Variants in ADAM22 observed in about 807,000 individuals in gnomAD.
ADAM22 encodes the protein ADAM metallopeptidase domain 22.
Under a neutral mutation model 144.6 loss-of-function variants are expected in ADAM22, and 65 were observed. The ratio of observed to expected loss-of-function variants is 0.45; its 90% CI spans 0.37 to 0.55. ADAM22 has a LOEUF of 0.55. ADAM22 is among the 20% of genes least tolerant of loss of function. ADAM22 has a pLI of 0.00. For synonymous variants in ADAM22, 391 were observed against 412.6 expected (o/e 0.95, Z 0.63); for missense variants, 974 against 1,184.9 (o/e 0.82, Z 2.61).
chr7:88,113,707 T>TAAATAAATAA (rs1563245756), intron 5 of ADAM22, among the ~76,000 whole-genome samples: 6 of 47,226 alleles, frequency 1.3e-4, no homozygotes, highest in East Asian at 1.8e-3. Flanking sequence ...TAAATAAATA[T>TAAATAAATAA]ATATATATAT....
At chr7:88,032,024 A>C (rs774842187) in intron 3 of ADAM22, among the ~76,000 whole-genome samples, 28 of 152,256 alleles carry the variant, frequency 1.8e-4, no homozygotes, top group Admixed American at 3.9e-4. Context: ...ATGTCCAGGC[A>C]GAAGTCTACT....
At chr7:88,161,899 C>T (rs569262378) in intron 22 of ADAM22, among the ~76,000 whole-genome samples, 7 of 151,992 alleles carry the variant, frequency 4.6e-5, no homozygotes, top group South Asian at 4.2e-4. Context: ...GGCAGTGTGG[C>T]GATTCTTCAA....
chr7:88,062,198 C>T (rs1270255976), intron 3 of ADAM22, among the ~76,000 whole-genome samples: 1 of 125,370 alleles, frequency 8.0e-6, no homozygotes, highest in African/African-American at 2.5e-5. Context: ...CTAGGAAAGT[C>T]CTAGATGACA....
chr7:87,977,724 T>C (rs1852232787), intron 2 of ADAM22, among the ~76,000 whole-genome samples: 1 of 152,146 alleles, frequency 6.6e-6, no homozygotes, highest in African/African-American at 2.4e-5. Context: ...TAGGATAGCA[T>C]AGGAAATAGT....
At chr7:88,187,372 C>T (rs1314143722) in intron 30 of ADAM22, among the ~76,000 whole-genome samples, 1 of 152,130 alleles carries the variant, frequency 6.6e-6, no homozygotes, top group Non-Finnish European at 1.5e-5. Flanking sequence ...ATGTTGTTAT[C>T]TAATACTTCA....
At chr7:88,018,802 T>G (rs1422333464) in intron 3 of ADAM22, among the ~76,000 whole-genome samples, 1 of 152,190 alleles carries the variant, frequency 6.6e-6, no homozygotes, top group Non-Finnish European at 1.5e-5. Flanking sequence ...AATGGCTCCT[T>G]AGGAATAAAT....
At chr7:87,944,266 G>A (rs1316241619) in intron 2 of ADAM22, among the ~76,000 whole-genome samples, 2 of 151,706 alleles carry the variant, frequency 1.3e-5, no homozygotes, top group Admixed American at 6.6e-5. Context: ...AGGATGTTGG[G>A]GGTCAGGCTG....
At chr7:88,092,053 G>A (rs372021703) in intron 4 of ADAM22, among the ~76,000 whole-genome samples, 15 of 151,980 alleles carry the variant, frequency 9.9e-5, no homozygotes, top group African/African-American at 3.1e-4. Context: ...GCACAGGGGA[G>A]CACCATCGCT....
intron 29 of ADAM22, chr7:88,184,451 A>C (rs3789239): frequency 0.14 from 46,517 of 321,726 alleles, 4,848 homozygotes; most frequent in East Asian, 0.47. Flanking sequence ...TAATCTCCTT[A>C]CAAGTCCTTT....
intron 3 of ADAM22, among the ~76,000 whole-genome samples, chr7:88,051,484 A>C (rs1806350833): frequency 6.8e-6 from 1 of 147,914 alleles, no homozygotes. Flanking sequence ...TCTCACTCAT[A>C]GGTGGGAATT....
At chr7:88,007,523 A>G (rs895095201) in intron 3 of ADAM22, among the ~76,000 whole-genome samples, 3 of 152,214 alleles carry the variant, frequency 2.0e-5, no homozygotes, top group Admixed American at 6.5e-5. Flanking sequence ...AGTAACCAAA[A>G]CAGCATGGTA....
chr7:88,198,859 G>A lies in ADAM22; in HGVS notation c.*2368G>A, dbSNP rs1256273492. On this transcript the variant is annotated 3_prime_UTR_variant, in exon 32 of 32. Coordinates refer to ENST00000413139, the MANE Select transcript of ADAM22 (RefSeq NM_001324418.2). ...AGAGGTATATAGTTTGTAATTACCC[G>A]CCTTGGTAATAACCTTCCTGTGGAA... 4 of 152,116 alleles carry A rather than the reference G, an allele frequency of 2.6e-5. No homozygotes were observed. Among genetic ancestry groups the A allele is most frequent in the African/African-American group, 7.2e-5 (3 of 41,424 alleles). 9.4% of individuals were successfully genotyped at this position (152,116 alleles called of 1,614,324 possible).
Position 87,978,258 on chromosome 7 carries a change from A to T in ADAM22, c.247-78A>T, listed in dbSNP as rs924835915. 21 of 1,118,570 alleles carry T rather than the reference A, an allele frequency of 1.9e-5. No individual in the cohort carries two copies. The Admixed American group carries it at 3.1e-4, about 17-fold the overall frequency. 69.3% of individuals were successfully genotyped at this position (1,118,570 alleles called of 1,614,324 possible). Reference sequence around the variant, plus strand: ...TTCTTATGATATTGTAAGTGTTTTGAAATAATCATAAGAAAGACTAATTGT... The same window carrying T: ...TTCTTATGATATTGTAAGTGTTTTGTAATAATCATAAGAAAGACTAATTGT... On this transcript the variant is annotated intron_variant, in intron 2 of 31. Transcript: ENST00000413139.
At chr7:88,106,065 C>A (rs568749828) in intron 4 of ADAM22, among the ~76,000 whole-genome samples, 2 of 151,926 alleles carry the variant, frequency 1.3e-5, no homozygotes, top group East Asian at 3.9e-4. Flanking sequence ...GGGAAGGCGC[C>A]AATAGCTCAC....
chr7:88,083,623 GT>G, intron 4 of ADAM22, among the ~76,000 whole-genome samples: 1 of 151,104 alleles, frequency 6.6e-6, no homozygotes, highest in African/African-American at 2.4e-5. Context: ...GTGTGTGTGT[GT>G]GTGTGTGTGT....
chr7:88,188,193 TA>T (rs1848775884), intron 30 of ADAM22, among the ~76,000 whole-genome samples: 2 of 152,258 alleles, frequency 1.3e-5, no homozygotes, highest in Admixed American at 1.3e-4. Context: ...CTATATGGGT[TA>T]GGGCTTTTAT....
chr7:88,015,254 G>A (rs1302928425), intron 3 of ADAM22, among the ~76,000 whole-genome samples: 1 of 152,160 alleles, frequency 6.6e-6, no homozygotes. Context: ...GTTGATTGGA[G>A]AGCACTTAAT....
chr7:88,098,418 G>T (rs1175135926), intron 4 of ADAM22, among the ~76,000 whole-genome samples: 1 of 152,056 alleles, frequency 6.6e-6, no homozygotes, highest in Non-Finnish European at 1.5e-5. Flanking sequence ...TTATTTTACT[G>T]GTTTGAATAG....
intron 3 of ADAM22, among the ~76,000 whole-genome samples, chr7:88,058,617 T>G (rs748476321): frequency 2.0e-5 from 3 of 152,222 alleles, no homozygotes. Context: ...ACTGTTCTGT[T>G]ACATAGATTA....
Sources: allele counts gnomAD v4.1 joint callset (sites outside exome capture counted in the v4.1 genomes callset), GRCh38; gene constraint gnomAD v4.1.1; transcripts MANE v1.5; gene names NCBI Gene and HGNC (gene_info 2026-07-23, HGNC 2026-07-21).